Variants in MACROD2 observed in about 807,000 individuals in gnomAD.
MACROD2 encodes mono-ADP ribosylhydrolase 2.
Under a neutral mutation model 70.4 loss-of-function variants are expected in MACROD2, and 36 were observed. That is an observed-to-expected ratio of 0.51 (90% CI 0.39 to 0.68). The LOEUF is 0.68. Ranked by LOEUF, MACROD2 falls within the 30% of genes least tolerant of loss-of-function variation. The pLI is 0.00. For synonymous variants in MACROD2, 172 were observed against 178.8 expected (o/e 0.96, Z 0.30); for missense variants, 496 against 538.4 (o/e 0.92, Z 0.78).
chr20:14,944,303 C>T (rs964323280), intron 5 of MACROD2, among the ~76,000 whole-genome samples: 1 of 152,142 alleles, frequency 6.6e-6, no homozygotes, highest in African/African-American at 2.4e-5. Context: ...GTGAAATGTT[C>T]ATTGAATTCT....
At chr20:15,672,708 A>G (rs2049997967) in intron 8 of MACROD2, among the ~76,000 whole-genome samples, 1 of 152,164 alleles carries the variant, frequency 6.6e-6, no homozygotes, top group African/African-American at 2.4e-5. Context: ...GACTGTTGAG[A>G]CAGAGGCCGT....
At chr20:15,561,607 A>T (rs953788415) in intron 8 of MACROD2, among the ~76,000 whole-genome samples, 3 of 151,736 alleles carry the variant, frequency 2.0e-5, no homozygotes, top group Non-Finnish European at 4.4e-5. Context: ...GTGAAAATCA[A>T]TTTTTTTTTA....
At chr20:16,003,639 G>A (rs1407457425) in intron 15 of MACROD2, among the ~76,000 whole-genome samples, 2 of 152,102 alleles carry the variant, frequency 1.3e-5, no homozygotes, top group African/African-American at 4.8e-5. Context: ...CAAGTTTCTG[G>A]TTTAGTAGAT....
intron 6 of MACROD2, among the ~76,000 whole-genome samples, chr20:15,386,783 C>G (rs1336145821): frequency 6.6e-6 from 1 of 152,128 alleles, no homozygotes; most frequent in Admixed American, 6.5e-5. Context: ...GGCATATTGA[C>G]CAAATCATTA....
intron 4 of MACROD2, among the ~76,000 whole-genome samples, chr20:14,588,889 C>G (rs1223421001): frequency 6.6e-6 from 1 of 152,152 alleles, no homozygotes; most frequent in African/African-American, 2.4e-5. Flanking sequence ...TTCCAAGTAA[C>G]TTATAATGCT....
chr20:14,334,559 G>T (rs958915001), intron 3 of MACROD2, among the ~76,000 whole-genome samples: 1 of 151,434 alleles, frequency 6.6e-6, no homozygotes, highest in Non-Finnish European at 1.5e-5. Context: ...TTCTGAAGCC[G>T]CAAGTCAGAT....
At chr20:14,959,456 G>T (rs952763548) in intron 5 of MACROD2, among the ~76,000 whole-genome samples, 1 of 151,954 alleles carries the variant, frequency 6.6e-6, no homozygotes, top group African/African-American at 2.4e-5. Flanking sequence ...CACCATTCCT[G>T]CCAGCTCCTC....
intron 6 of MACROD2, among the ~76,000 whole-genome samples, chr20:15,371,180 G>A (rs1034075555): frequency 1.3e-5 from 2 of 152,102 alleles, no homozygotes; most frequent in South Asian, 4.1e-4. Flanking sequence ...TTATTTCACT[G>A]TTGAACTTGA....
intron 4 of MACROD2, among the ~76,000 whole-genome samples, chr20:14,643,740 G>A (rs571938191): frequency 1.3e-5 from 2 of 152,238 alleles, no homozygotes; most frequent in African/African-American, 2.4e-5. Context: ...ATGTGGCCCC[G>A]ATTGTCACAT....
intron 10 of MACROD2, among the ~76,000 whole-genome samples, chr20:15,897,740 T>A (rs1039350112): frequency 2.0e-5 from 3 of 152,198 alleles, no homozygotes; most frequent in Non-Finnish European, 4.4e-5. Flanking sequence ...ACATGGCCAT[T>A]TTTTATTTAA....
intron 4 of MACROD2, among the ~76,000 whole-genome samples, chr20:14,504,853 C>T (rs1464062871): frequency 6.6e-6 from 1 of 152,090 alleles, no homozygotes; most frequent in Admixed American, 6.5e-5. Context: ...TTCTCAATTC[C>T]ATTTTTCTTT....
intron 4 of MACROD2, among the ~76,000 whole-genome samples, chr20:14,563,147 C>T (rs921326699): frequency 6.6e-6 from 1 of 151,684 alleles, no homozygotes; most frequent in Non-Finnish European, 1.5e-5. Context: ...ATTGATTTTC[C>T]ACCAGCATCT....
chr20:15,880,077 C>T (rs1303078075), intron 9 of MACROD2, among the ~76,000 whole-genome samples: 3 of 152,036 alleles, frequency 2.0e-5, no homozygotes, highest in Non-Finnish European at 4.4e-5. Flanking sequence ...GGAGGGCAGT[C>T]TGCTCCGTAC....
chr20:14,313,989 A>G (rs1219458002), intron 3 of MACROD2, among the ~76,000 whole-genome samples: 1 of 152,180 alleles, frequency 6.6e-6, no homozygotes, highest in East Asian at 1.9e-4. Context: ...AGAGTGGCTA[A>G]TTCATCTGAA....
chr20:14,703,387 A>G (rs2071230071), intron 5 of MACROD2, among the ~76,000 whole-genome samples: 1 of 152,188 alleles, frequency 6.6e-6, no homozygotes, highest in Non-Finnish European at 1.5e-5. Context: ...ATTATGAGAT[A>G]ATAATAAATT....
chr20:15,047,703 G>A (rs1600996396), intron 5 of MACROD2, among the ~76,000 whole-genome samples: 1 of 152,290 alleles, frequency 6.6e-6, no homozygotes, highest in South Asian at 2.1e-4. Flanking sequence ...TGATTGGACA[G>A]AGTTTACAAC....
At chr20:15,229,624 G>T (rs1026071219) in intron 5 of MACROD2, among the ~76,000 whole-genome samples, 1 of 152,096 alleles carries the variant, frequency 6.6e-6, no homozygotes, top group African/African-American at 2.4e-5. Context: ...CCAAGGATTT[G>T]TCTTTTTCCA....
chr20:15,441,192 T>G (rs559996794), intron 7 of MACROD2, among the ~76,000 whole-genome samples: 1 of 152,302 alleles, frequency 6.6e-6, no homozygotes, highest in East Asian at 1.9e-4. Flanking sequence ...ACATTCTCAT[T>G]CACAGAAACA....
intron 8 of MACROD2, among the ~76,000 whole-genome samples, chr20:15,663,878 G>A (rs1008682173): frequency 3.3e-5 from 5 of 152,080 alleles, no homozygotes; most frequent in Admixed American, 2.6e-4. Flanking sequence ...AACAGAAGTC[G>A]GGCAAAAGCA....
Sources: allele counts gnomAD v4.1 joint callset (sites outside exome capture counted in the v4.1 genomes callset), GRCh38; gene constraint gnomAD v4.1.1; transcripts MANE v1.5; gene names NCBI Gene and HGNC (gene_info 2026-07-23, HGNC 2026-07-21).